The following CLIC5 variants were observed in gnomAD, a reference collection of about 807,000 sequenced individuals.
The protein encoded by CLIC5 is chloride intracellular channel protein 5.
A neutral mutation model predicts 24.7 loss-of-function variants in CLIC5; 20 were observed. That is an observed-to-expected ratio of 0.81 (90% CI 0.57 to 1.18). The LOEUF (loss-of-function observed/expected upper bound fraction) is 1.18, where lower values mean the gene tolerates loss of function less well. CLIC5 is among the 50% of genes most tolerant of loss of function. CLIC5 has a pLI of 0.00. For synonymous variants in CLIC5, 159 were observed against 135.6 expected (o/e 1.17, Z -1.20); for missense variants, 341 against 326.1 (o/e 1.05, Z -0.35).
chr6:45,881,942 C>T (rs1473416597), intron 6 of CLIC5, among the ~76,000 whole-genome samples: 50 of 150,746 alleles, frequency 3.3e-4, no homozygotes, highest in Admixed American at 3.3e-3. Context: ...TCCCCTTAGC[C>T]CCAGTGTTTA....
intron 1 of CLIC5, among the ~76,000 whole-genome samples, chr6:46,011,804 A>C (rs1766820078): frequency 6.6e-6 from 1 of 152,134 alleles, no homozygotes; most frequent in African/African-American, 2.4e-5. Flanking sequence ...CACTGCCATT[A>C]CCTCTAGCCT....
the CLIC5 span, among the ~76,000 whole-genome samples, chr6:46,101,762 T>A: frequency 6.6e-6 from 1 of 152,224 alleles, no homozygotes; most frequent in Non-Finnish European, 1.5e-5. Flanking sequence ...GGGCTCAATC[T>A]AAACCAACAA....
At chr6:45,931,161 G>T (rs1193100039) in intron 4 of CLIC5, among the ~76,000 whole-genome samples, 1 of 152,150 alleles carries the variant, frequency 6.6e-6, no homozygotes, top group East Asian at 1.9e-4. Context: ...TATTATCTGT[G>T]GCTGCTTTAT....
At chr6:45,971,602 C>G (rs1031111567) in intron 1 of CLIC5, among the ~76,000 whole-genome samples, 1 of 152,282 alleles carries the variant, frequency 6.6e-6, no homozygotes, top group African/African-American at 2.4e-5. Flanking sequence ...TGTTTAGGAT[C>G]AGCCCCTTCA....
At chr6:45,939,869 C>T (rs1022483079) in intron 4 of CLIC5, among the ~76,000 whole-genome samples, 1 of 150,800 alleles carries the variant, frequency 6.6e-6, no homozygotes, top group African/African-American at 2.4e-5. Context: ...CCAGGCTAGA[C>T]ATGAATTCTG....
At chr6:45,957,159 C>A (rs1764672566) in intron 1 of CLIC5, among the ~76,000 whole-genome samples, 1 of 152,056 alleles carries the variant, frequency 6.6e-6, no homozygotes, top group Non-Finnish European at 1.5e-5. Flanking sequence ...CTGTTTTCCT[C>A]TGGTGGTGGT....
chr6:45,895,935 C>A (rs571339786), downstream of CLIC5, among the ~76,000 whole-genome samples: 1 of 152,140 alleles, frequency 6.6e-6, no homozygotes, highest in Non-Finnish European at 1.5e-5. Context: ...GTGTTTGGGG[C>A]ATTGAGATAT....
downstream of CLIC5, among the ~76,000 whole-genome samples, chr6:45,897,614 T>C (rs147438046): frequency 2.6e-5 from 4 of 152,282 alleles, no homozygotes; most frequent in East Asian, 7.7e-4. Context: ...TCCAAGGTAA[T>C]GAAGTGCTGT....
At chr6:46,106,763 T>C in the CLIC5 span, among the ~76,000 whole-genome samples, 9 of 152,242 alleles carry the variant, frequency 5.9e-5, no homozygotes, top group Admixed American at 2.0e-4. Flanking sequence ...TCGAAAAAGC[T>C]AAATCCTCTT....
chr6:45,933,980 A>C (rs1413336590), intron 4 of CLIC5, among the ~76,000 whole-genome samples: 1 of 152,220 alleles, frequency 6.6e-6, no homozygotes. Context: ...CTGAAAGAGA[A>C]GTCACAGGAG....
At chr6:45,986,771 ACAATCTC>A (rs1765757708) in intron 1 of CLIC5, among the ~76,000 whole-genome samples, 1 of 116,620 alleles carries the variant, frequency 8.6e-6, no homozygotes, top group South Asian at 3.7e-4. Flanking sequence ...TGGTAAGGAT[ACAATCTC>A]CCCTGCATTC....
chr6:45,934,116 A>G (rs1763845355), intron 4 of CLIC5: 1 of 152,280 alleles, frequency 6.6e-6, no homozygotes, highest in Admixed American at 6.5e-5. Flanking sequence ...GCAGCTGACC[A>G]GGGGCCCTGT....
intron 1 of CLIC5, among the ~76,000 whole-genome samples, chr6:45,978,276 A>G (rs905897665): frequency 2.0e-5 from 3 of 152,146 alleles, no homozygotes; most frequent in Non-Finnish European, 4.4e-5. Flanking sequence ...TGCTTTCCAT[A>G]TCCGAGAACT....
At chr6:46,126,387 C>T in the CLIC5 span, among the ~76,000 whole-genome samples, 1 of 152,078 alleles carries the variant, frequency 6.6e-6, no homozygotes, top group Non-Finnish European at 1.5e-5. Context: ...ATAGGAAAGC[C>T]TCAAAAGAAT....
chr6:45,942,911 G>C lies in CLIC5; in HGVS notation c.300-1258C>G, dbSNP rs568007589. ...CTGGATACCTGAGAAGATAAATGTT[G>C]ATGGCTAATAAATGGTGGAGGGACG... On this transcript the variant is annotated intron_variant, in intron 3 of 5. Transcript: ENST00000339561. 1.1e-4 allele frequency among the ~76,000 whole-genome samples: 16 copies of C among 152,298 alleles called. 1 individual carries two copies. In the South Asian group the frequency reaches 3.3e-3, roughly 32 times the overall value.
the CLIC5 span, among the ~76,000 whole-genome samples, chr6:46,093,040 C>T: frequency 9.2e-5 from 14 of 152,256 alleles, no homozygotes; most frequent in East Asian, 7.7e-4. Context: ...CTAAGCTTTT[C>T]GCAGTACAGC....
intron 1 of CLIC5, among the ~76,000 whole-genome samples, chr6:46,042,370 T>TTTTTTG: frequency 6.6e-6 from 1 of 152,294 alleles, no homozygotes; most frequent in Admixed American, 6.5e-5. Context: ...TCTGTAGGTT[T>TTTTTTG]TTTTTGTTTT....
intron 1 of CLIC5, among the ~76,000 whole-genome samples, chr6:46,007,613 C>T (rs866019001): frequency 6.6e-6 from 1 of 152,210 alleles, no homozygotes; most frequent in African/African-American, 2.4e-5. Flanking sequence ...GTGAATGCAG[C>T]CGTAATAGCA....
chr6:45,919,577 G>A (rs1376571236), intron 4 of CLIC5, among the ~76,000 whole-genome samples: 2 of 152,028 alleles, frequency 1.3e-5, no homozygotes, highest in Non-Finnish European at 2.9e-5. Context: ...AGGTCAAATG[G>A]CCCACCAATC....
Sources: allele counts gnomAD v4.1 joint callset (sites outside exome capture counted in the v4.1 genomes callset), GRCh38; gene constraint gnomAD v4.1.1; transcripts MANE v1.5; gene names NCBI Gene and HGNC (gene_info 2026-07-23, HGNC 2026-07-21).